The following NPC1L1 variants were observed in gnomAD, a reference collection of about 807,000 sequenced individuals.
NPC1L1 encodes the protein NPC1 like intracellular cholesterol transporter 1.
In NPC1L1, 98 loss-of-function variants were observed where a neutral mutation model predicts 117.0. That is an observed-to-expected ratio of 0.84 (90% CI 0.71 to 0.99). NPC1L1 has a LOEUF of 0.99. NPC1L1 is among the 50% of genes least tolerant of loss of function. The pLI is 0.00. For synonymous variants in NPC1L1, 729 were observed against 727.6 expected (o/e 1.00, Z -0.03); for missense variants, 1,540 against 1,710.0 (o/e 0.90, Z 1.75).
At chr7:44,515,041 A>AAAAT (rs1801144129) in intron 18 of NPC1L1, among the ~76,000 whole-genome samples, 1 of 151,596 alleles carries the variant, frequency 6.6e-6, no homozygotes, top group Admixed American at 6.6e-5. Context: ...AATGTAAAGT[A>AAAAT]AAATAAAATA....
chr7:44,536,152 G>T lies in NPC1L1; in HGVS notation c.1854+104C>A. On this transcript the variant is annotated intron_variant, in intron 4 of 18. Transcript: ENST00000381160. This position sits in a 1 kb window ranked among gnomAD's most constrained non-coding sequence, Gnocchi z 4.7. ...ACCCCGTTCTGAGCAGGCAGCCACTGCCCAGGGTCACTTAGGAAGGGCCAG... is the reference window on the plus strand; with the variant it reads ...ACCCCGTTCTGAGCAGGCAGCCACTTCCCAGGGTCACTTAGGAAGGGCCAG... 6.4e-7 allele frequency: 1 copy of T among 1,572,202 alleles called. No homozygotes were observed. Among genetic ancestry groups the T allele is most frequent in the Non-Finnish European group, 8.7e-7 (1 of 1,144,768 alleles).
rs777502307 is a variant in NPC1L1 at position 44,536,270 on chromosome 7, TGACCTGGAACATGCCAGCCATCC to T, written c.1817_1839del (p.Arg606HisfsTer5). 6.2e-7 allele frequency: 1 copy of T among 1,613,868 alleles called. No individual in the cohort carries two copies. The highest frequency in any genetic ancestry group is 8.5e-7 in the Non-Finnish European group (1 of 1,180,012). On this transcript the variant is annotated frameshift_variant, in exon 4 of 19. Transcript: ENST00000381160. LOFTEE classifies it high-confidence loss of function. This position sits in a 1 kb window ranked among gnomAD's most constrained non-coding sequence, Gnocchi z 4.7. ...GCAGCCCCTACCTCAGCCATGAACG[TGACCTGGAACATGCCAGCCATCC>T]GACGCTGGAAGGCTCGCATTTCCTC...
rs1801092922 is a variant in NPC1L1, at chr7:44,513,325, G to A, written c.*122C>T. The A allele has an allele frequency of 2.2e-6, 2 of 925,006 alleles. No homozygotes were observed. Among genetic ancestry groups the A allele is most frequent in the Non-Finnish European group, 3.5e-6 (2 of 573,974 alleles). 57.3% of individuals were successfully genotyped at this position (925,006 alleles called of 1,614,324 possible). ...GCAGGCCATCCTCCAGTGACAGGCA[G>A]TCTCATGGGAATGGCCTCCCCTAGG... On this transcript the variant is annotated 3_prime_UTR_variant, in exon 19 of 19. Transcript: ENST00000381160.
chr7:44,516,910 C>G lies in NPC1L1; in HGVS notation c.3312G>C (p.Gln1104His), dbSNP rs116716160. 3.1e-4 allele frequency: 493 copies of G among 1,613,760 alleles called. 3 individuals are homozygous for G. The East Asian group carries it at 0.01, about 33-fold the overall frequency. Reference protein sequence around the residue: ...PYTITNVFYEQYLTILPEGLF... With the variant: ...PYTITNVFYEHYLTILPEGLF... ...GCCCCTCAGGGAGGATGGTCAGGTA[C>G]TGCTCATAAAACACATTGGTGATCC... The change falls in exon 16 of 19, where the codon CAG becomes CAC. Residue 1104 changes from glutamine (Q) to histidine (H), a missense_variant. By Grantham distance (24) the Gln-to-His change is conservative. This residue lies in a region of NPC1L1 where 742 missense variants were observed against 873.6 expected (regional missense o/e 0.85). Transcript: ENST00000381160.
In NPC1L1 at chr7:44,525,267, T is replaced by A. The variant is rs181302794; in HGVS notation, c.2638-3025A>T. 1.8e-3 allele frequency among the ~76,000 whole-genome samples: 270 copies of A among 152,220 alleles called. 2 individuals carry two copies. Among genetic ancestry groups the A allele is most frequent in the African/African-American group, 6.2e-3 (257 of 41,552 alleles). ...ACCCACACCAACGGATATTATAATTTTTTTTTTTTGAGATGGAGTCTTGCT... is the reference window on the plus strand; with the variant it reads ...ACCCACACCAACGGATATTATAATTATTTTTTTTTGAGATGGAGTCTTGCT... On this transcript the variant is annotated intron_variant, in intron 10 of 18. Coordinates refer to ENST00000381160, the MANE Select transcript of NPC1L1 (RefSeq NM_001101648.2).
At chr7:44,526,986 T>C (rs969873066) in intron 10 of NPC1L1, among the ~76,000 whole-genome samples, 2 of 152,108 alleles carry the variant, frequency 1.3e-5, no homozygotes, top group South Asian at 4.2e-4. Flanking sequence ...ATCACACCAT[T>C]GTACTCCAGC....
chr7:44,521,363 C>A (rs939464146), intron 12 of NPC1L1, among the ~76,000 whole-genome samples: 30 of 152,244 alleles, frequency 2.0e-4, no homozygotes, highest in Admixed American at 1.2e-3. Flanking sequence ...ACAAAGGCCT[C>A]TCCACCTACA....
At chr7:44,531,385 G>A (rs217407) in intron 10 of NPC1L1, among the ~76,000 whole-genome samples, 7,706 of 152,258 alleles carry the variant, frequency 0.051, 653 homozygotes, top group African/African-American at 0.17. Flanking sequence ...TCCAACCACG[G>A]GGCTTTCCTT....
At position 44,515,937 on chromosome 7, in the gene NPC1L1, A is replaced by G; in HGVS notation, c.3662T>C (p.Leu1221Pro). The change falls in exon 18 of 19, where the codon CTG (leucine) becomes CCG (proline). Residue 1221 changes from leucine to proline, a missense_variant. Leu to Pro is a moderately conservative substitution (Grantham distance 98). Coordinates refer to ENST00000381160, the MANE Select transcript of NPC1L1 (RefSeq NM_001101648.2). ...GAGGCCCAGGACAAGGATGCCAGGC[A>G]GGTTGGTCATGGCCACACCTGCAAA... is the stretch of plus-strand genomic sequence containing the variant. ...AVFAGVAMTN[L>P]PGILVLGLAK... is the part of the protein sequence containing the mutation. 3 of 1,614,114 alleles carry G rather than the reference A, an allele frequency of 1.9e-6. No homozygotes were observed. Among genetic ancestry groups the G allele is most frequent in the Non-Finnish European group, 1.7e-6 (2 of 1,180,010 alleles).
chr7:44,540,888 C>T (rs981179489), intron 1 of NPC1L1, among the ~76,000 whole-genome samples: 1 of 152,120 alleles, frequency 6.6e-6, no homozygotes, highest in Non-Finnish European at 1.5e-5. Flanking sequence ...AACCCCATCC[C>T]AGCACCTCCT....
chr7:44,529,942 G>A (rs184312288), intron 10 of NPC1L1, among the ~76,000 whole-genome samples: 218 of 151,832 alleles, frequency 1.4e-3, no homozygotes, highest in Admixed American at 2.4e-3. Context: ...GTTGAGTCAG[G>A]AGAATCGCTT....
chr7:44,517,270 T>C lies in NPC1L1; in HGVS notation c.3224A>G (p.Asn1075Ser), dbSNP rs772935011. The change falls in exon 15 of 19, where the codon AAC (asparagine) becomes AGC (serine). Residue 1075 changes from asparagine (N) to serine (S), a missense_variant. Physicochemically the swap from Asn to Ser is conservative, Grantham distance 46. This residue lies in a region of NPC1L1 where 742 missense variants were observed against 873.6 expected (regional missense o/e 0.85). Transcript: ENST00000381160. ...ALRAARELAA[N>S]ITADLRKVPG... ...CACTTTCCGCAGGTCAGCAGTGATG[T>C]TGGCTGCCAGCTCTCGAGCTGCCCG... 1.6e-5 allele frequency: 26 copies of C among 1,614,092 alleles called. No homozygotes were observed. In the Admixed American group the frequency reaches 2.8e-4, roughly 18 times the overall value.
chr7:44,538,275 C>T lies in NPC1L1; in HGVS notation c.1580+542G>A, dbSNP rs977018066. On this transcript the variant is annotated intron_variant, in intron 2 of 18. Coordinates refer to ENST00000381160, the MANE Select transcript of NPC1L1 (RefSeq NM_001101648.2). The surrounding 1 kb of genome is among the most constrained non-coding windows in gnomAD (Gnocchi z 5.9). ...TGGCAGCACACCAGAGTGGACAGAA[C>T]CAAAGACCGAACCCCAATCAATAGA... is the stretch of plus-strand genomic sequence containing the variant. Among the ~76,000 whole-genome samples, 1 of 152,206 alleles carries T rather than the reference C, an allele frequency of 6.6e-6. No individual in the cohort carries two copies. Among genetic ancestry groups the T allele is most frequent in the East Asian group, 1.9e-4 (1 of 5,200 alleles).
chr7:44,533,612 A>G, intron 7 of NPC1L1, 54 bp from the exon 8 acceptor site: 1 of 1,613,682 alleles, frequency 6.2e-7, no homozygotes, highest in Non-Finnish European at 8.5e-7. Flanking sequence ...GCAGAGTGGT[A>G]GCCGACATTG....
In NPC1L1 at chr7:44,533,462, G is replaced by T. The variant is rs1380959485; in HGVS notation, c.2378C>A (p.Ala793Asp). ...DFLLQMSAFVALLSLDSKRQE... is the reference protein window; with the variant it reads ...DFLLQMSAFVDLLSLDSKRQE... ...CCTCTTGCTGTCCAGGGAGAGCAGG[G>T]CCACAAAGGCTGACATCTGCAGGAG... is the stretch of plus-strand genomic sequence containing the variant. Residue 793 changes from alanine to aspartate, a missense_variant, in exon 8 of 19, where the codon GCC (alanine) becomes GAC (aspartate). Coordinates refer to ENST00000381160, the MANE Select transcript of NPC1L1 (RefSeq NM_001101648.2). 1 of 1,614,052 alleles carries T rather than the reference G, an allele frequency of 6.2e-7. No individual in the cohort carries two copies. Among genetic ancestry groups the T allele is most frequent in the Non-Finnish European group, 8.5e-7 (1 of 1,179,980 alleles).
intron 10 of NPC1L1, among the ~76,000 whole-genome samples, chr7:44,524,597 A>G (rs1801452718): frequency 6.6e-6 from 1 of 152,090 alleles, no homozygotes; most frequent in South Asian, 2.1e-4. Flanking sequence ...TCTACTAAAA[A>G]TACAAAAATT....
Position 44,516,213 on chromosome 7 carries a change from G to C in NPC1L1, c.3520-16C>G, listed in dbSNP as rs1398894214. ...TGCCCACCGCCTATGGGCAGAGAGG[G>C]GGCATAAGCCAAGAAAGGCAGAGGT... On this transcript the variant is annotated splice_polypyrimidine_tract_variant and intron_variant, in intron 16 of 18. Transcript: ENST00000381160. The C allele has an allele frequency of 2.1e-5, 34 of 1,584,430 alleles. No individual in the cohort carries two copies. The highest frequency in any genetic ancestry group is 2.8e-5 in the Non-Finnish European group (33 of 1,163,808).
chr7:44,532,879 A>G (rs890479451), intron 8 of NPC1L1, among the ~76,000 whole-genome samples: 3 of 152,218 alleles, frequency 2.0e-5, no homozygotes, highest in African/African-American at 7.2e-5. Context: ...CAAGGTGGGC[A>G]GATCACCTGA....
chr7:44,534,505 G>A lies in NPC1L1; in HGVS notation c.2108C>T (p.Pro703Leu). 6.2e-7 allele frequency: 1 copy of A among 1,614,164 alleles called. No individual in the cohort carries two copies. Among genetic ancestry groups the A allele is most frequent in the Non-Finnish European group, 8.5e-7 (1 of 1,180,020 alleles). Reference sequence around the variant, plus strand: ...AGCCCCCACGGACAGCACCAGGAAAGGAACCACTTGCAGGATGACCAGGGA... The same window carrying A: ...AGCCCCCACGGACAGCACCAGGAAAAGAACCACTTGCAGGATGACCAGGGA... ...RSSLVILQVVPFLVLSVGADN... is the reference protein window; with the variant it reads ...RSSLVILQVVLFLVLSVGADN... The change falls in exon 6 of 19, where the codon CCT becomes CTT. Residue 703 changes from proline to leucine, a missense_variant. This residue lies in a region of NPC1L1 where 742 missense variants were observed against 873.6 expected (regional missense o/e 0.85). Transcript: ENST00000381160. The surrounding 1 kb of genome is among the most constrained non-coding windows in gnomAD (Gnocchi z 5.2).
Sources: gnomAD v4.1 joint callset for allele counts (sites outside exome capture counted in the v4.1 genomes callset) on GRCh38, gnomAD v4.1.1 for gene constraint, gnomAD v4.1.1 regional missense constraint, Gnocchi (gnomAD v3.1) non-coding constraint, MANE v1.5 for transcripts, NCBI Gene and HGNC (gene_info 2026-07-23, HGNC 2026-07-21) for gene names.